DOCK7: variants seen among roughly 807,000 people sequenced by gnomAD.
DOCK7 encodes the protein dedicator of cytokinesis protein 7.
DOCK7 carries 138 observed loss-of-function variants against 271.0 expected under a neutral mutation model. The ratio of observed to expected loss-of-function variants is 0.51; its 90% CI spans 0.44 to 0.59. The LOEUF (loss-of-function observed/expected upper bound fraction) is 0.59. Among genes scored for constraint, DOCK7 ranks in the 20% least tolerant of loss-of-function variants. The probability of loss-of-function intolerance (pLI) is 0.00; values close to 1 mark genes in which losing one functional copy is unlikely to be tolerated. For synonymous variants in DOCK7, 823 were observed against 876.1 expected (o/e 0.94, Z 1.07); for missense variants, 2,066 against 2,592.4 (o/e 0.80, Z 4.41).
chr1:62,541,077 G>A (rs1456993466), intron 25 of DOCK7, among the ~76,000 whole-genome samples: 1 of 151,704 alleles, frequency 6.6e-6, no homozygotes, highest in Non-Finnish European at 1.5e-5. Flanking sequence ...TCTCTTTTTT[G>A]TTGTTTTGTT....
At chr1:62,573,235 C>A (rs965054128) in intron 18 of DOCK7, among the ~76,000 whole-genome samples, 2 of 152,058 alleles carry the variant, frequency 1.3e-5, no homozygotes, top group Admixed American at 1.3e-4. Context: ...ATTCAAAGGG[C>A]TGGAGGCAGA....
chr1:62,540,279 T>C (rs7548877), intron 25 of DOCK7, among the ~76,000 whole-genome samples: 88,449 of 151,592 alleles, frequency 0.58, 27,455 homozygotes, highest in East Asian at 0.76. Context: ...GCTCATGTGA[T>C]TTGCCTGCCT....
At chr1:62,508,081 ATTATAT>A in intron 34 of DOCK7, 23 bp from the exon 35 acceptor site, 1 of 1,564,392 alleles carries the variant, frequency 6.4e-7, no homozygotes, top group Non-Finnish European at 8.6e-7. Context: ...ATTGTAAGAA[ATTATAT>A]TTATCTTTTT....
Position 62,688,207 on chromosome 1 carries a change from G to C in DOCK7, c.38+20C>G, listed in dbSNP as rs1416155718. 7.3e-7 allele frequency: 1 copy of C among 1,369,520 alleles called. No homozygotes were observed. The highest frequency in any genetic ancestry group is 9.5e-7 in the Non-Finnish European group (1 of 1,050,042). The allele number at this position is 1,369,520 out of a possible 1,614,324, so 84.8% of individuals were successfully genotyped here. On this transcript the variant is annotated intron_variant, in intron 1 of 49. Transcript: ENST00000635253. ...CTTTCTCGGGCGGCGGCGGCGGCGC[G>C]CCCCACGCCGGATATTTACCTGCTG... is the stretch of plus-strand genomic sequence containing the variant.
chr1:62,470,878 T>C (rs567939053), intron 48 of DOCK7, among the ~76,000 whole-genome samples: 2 of 152,138 alleles, frequency 1.3e-5, no homozygotes, highest in Admixed American at 6.6e-5. Flanking sequence ...AAAATTATGA[T>C]GTCTGTAAAG....
chr1:62,618,603 A>C, intron 14 of DOCK7, 103 bp downstream of exon 14: 2 of 1,065,286 alleles, frequency 1.9e-6, no homozygotes, highest in Non-Finnish European at 2.7e-6. Flanking sequence ...GAGTTAAGTA[A>C]CAAAACTACT....
At chr1:62,518,450 T>C (rs988648575) in intron 31 of DOCK7, among the ~76,000 whole-genome samples, 3 of 151,962 alleles carry the variant, frequency 2.0e-5, no homozygotes, top group African/African-American at 7.3e-5. Context: ...GGCGGGCGCC[T>C]GTAGTCCCAG....
At chr1:62,663,753 G>A (rs1225514554) in intron 1 of DOCK7, among the ~76,000 whole-genome samples, 2 of 151,892 alleles carry the variant, frequency 1.3e-5, no homozygotes, top group Non-Finnish European at 2.9e-5. Context: ...CACTTTTACT[G>A]AGCACTGTTA....
intron 25 of DOCK7, among the ~76,000 whole-genome samples, chr1:62,541,650 T>A (rs1023856463): frequency 6.6e-6 from 1 of 152,186 alleles, no homozygotes; most frequent in African/African-American, 2.4e-5. Context: ...ATGAATAACA[T>A]ACAAAATATG....
Position 62,555,943 on chromosome 1 carries a change from A to G in DOCK7, c.2478T>C (p.Asn826=), listed in dbSNP as rs2149432917. 1 of 1,613,886 alleles carries G rather than the reference A, an allele frequency of 6.2e-7. No individual in the cohort carries two copies. Among genetic ancestry groups the G allele is most frequent in the East Asian group, 2.2e-5 (1 of 44,830 alleles). ...ASFEAMASII[N]RLHKNLEGNH... is the part of the protein sequence containing the mutation. ...TTCCTTCCAAGTTTTTGTGAAGTCG[A>G]TTTATAATTGATGCCATGGCTTCAA... The change falls in exon 21 of 50, where the codon AAT becomes AAC. Residue 826 remains asparagine (N), a synonymous_variant. Transcript: ENST00000635253.
At chr1:62,507,058 C>G (rs1002412078) in intron 35 of DOCK7, among the ~76,000 whole-genome samples, 6 of 152,056 alleles carry the variant, frequency 3.9e-5, no homozygotes, top group African/African-American at 1.4e-4. Flanking sequence ...ATCCACCCAC[C>G]TCAGCTTCCC....
At chr1:62,510,522 T>C in intron 34 of DOCK7, 55 bp downstream of exon 34, 2 of 1,349,702 alleles carry the variant, frequency 1.5e-6, no homozygotes, top group Non-Finnish European at 1.0e-6. Flanking sequence ...ATTTTCCTCT[T>C]ACATTTTAAA....
chr1:62,620,041 C>G, intron 12 of DOCK7, 48 bp from the exon 13 acceptor site: 2 of 1,476,500 alleles, frequency 1.4e-6, no homozygotes, highest in South Asian at 2.3e-5. Context: ...CAAATATAGC[C>G]AGGCACAGTG....
intron 33 of DOCK7, among the ~76,000 whole-genome samples, chr1:62,512,289 G>C (rs894102291): frequency 2.0e-5 from 3 of 152,120 alleles, no homozygotes; most frequent in East Asian, 3.8e-4. Flanking sequence ...CCATGGCCCT[G>C]GCCTTAAGAA....
At chr1:62,606,210 G>A (rs1650965361) in intron 14 of DOCK7, 1 of 151,294 alleles carries the variant, frequency 6.6e-6, no homozygotes, top group Admixed American at 6.6e-5. Context: ...TTTTTTTAGG[G>A]CCAGAATACC....
At chr1:62,546,857 A>C (rs932806473) in intron 22 of DOCK7, among the ~76,000 whole-genome samples, 3 of 152,130 alleles carry the variant, frequency 2.0e-5, no homozygotes, top group Admixed American at 2.0e-4. Flanking sequence ...ATTAGTCTCC[A>C]AAATTATGTC....
At chr1:62,611,721 A>G (rs1474509107) in intron 14 of DOCK7, among the ~76,000 whole-genome samples, 1 of 152,196 alleles carries the variant, frequency 6.6e-6, no homozygotes, top group African/African-American at 2.4e-5. Flanking sequence ...CCTTGAAACA[A>G]TATTTTAGGA....
rs894101690 is a variant in DOCK7, at chr1:62,681,547, A to T, written c.38+6680T>A. ...CTTAAAGTATAATAAAAAATAAAAA[A>T]AATAAAATAAAAATACAAAAAAAAA... On this transcript the variant is annotated intron_variant, in intron 1 of 49. Coordinates refer to ENST00000635253, the MANE Select transcript of DOCK7 (RefSeq NM_001367561.1). 8.1e-3 allele frequency among the ~76,000 whole-genome samples: 318 copies of T among 39,270 alleles called. 2 individuals are homozygous for T. The highest frequency in any genetic ancestry group is 0.017 in the South Asian group (8 of 476). The allele number at this position is 39,270 out of a possible 152,430, so 25.8% of individuals were successfully genotyped here.
intron 15 of DOCK7, 126 bp from the exon 16 acceptor site, chr1:62,583,380 C>A: frequency 1.3e-6 from 1 of 754,172 alleles, no homozygotes. Context: ...CAATGAAGAA[C>A]AATGTGCCTA....
Sources: gnomAD v4.1 joint callset for allele counts (sites outside exome capture counted in the v4.1 genomes callset) on GRCh38, gnomAD v4.1.1 for gene constraint, MANE v1.5 for transcripts, NCBI Gene and HGNC (gene_info 2026-07-23, HGNC 2026-07-21) for gene names.